Variants in POTEG observed in about 807,000 individuals in gnomAD.
POTEG encodes ANKRD26-like family C member 2.
In POTEG, 2 loss-of-function variants were observed where a neutral mutation model predicts 49.6. That is an observed-to-expected ratio of 0.04 (90% CI 0.02 to 0.13). The LOEUF is 0.13. Ranked by LOEUF, POTEG falls within the 10% of genes least tolerant of loss-of-function variation. The probability of loss-of-function intolerance (pLI) is 1.00; values close to 1 mark genes in which losing one functional copy is unlikely to be tolerated. For synonymous variants in POTEG, 7 were observed against 186.6 expected (o/e 0.04, Z 7.84); for missense variants, 26 against 545.2 (o/e 0.05, Z 9.48).
chr14:19,415,175 T>A (rs1433841457), intron 7 of POTEG, among the ~76,000 whole-genome samples: 1 of 144,018 alleles, frequency 6.9e-6, no homozygotes, highest in Non-Finnish European at 1.6e-5. Context: ...AATATGATAG[T>A]GTTATGTATC....
At chr14:19,415,829 A>ATTTTTTTTTTTTTTTTTTTTTTTTTTTT (rs58833974) in intron 7 of POTEG, among the ~76,000 whole-genome samples, 1 of 96,698 alleles carries the variant, frequency 1.0e-5, no homozygotes. Context: ...ATCTATTAAA[A>ATTTTTTTTTTTTTTTTTTTTTTTTTTTT]TTTTTTTTTT....
intron 9 of POTEG, among the ~76,000 whole-genome samples, chr14:19,408,904 CATTTTACCATA>C (rs1225042822): frequency 2.0e-5 from 3 of 150,250 alleles, no homozygotes; most frequent in African/African-American, 7.3e-5. Flanking sequence ...TCCTCTGACT[CATTTTACCATA>C]ATTGCAATTA....
intron 7 of POTEG, among the ~76,000 whole-genome samples, chr14:19,415,828 AATTTTTTTTTTTTTT>A (rs1175649695): frequency 3.0e-5 from 4 of 132,990 alleles, no homozygotes; most frequent in East Asian, 2.2e-4. Flanking sequence ...AATCTATTAA[AATTTTTTTTTTTTTT>A]TTTTTTTTTT....
intron 1 of POTEG, among the ~76,000 whole-genome samples, chr14:19,432,372 A>T (rs1255320715): frequency 2.4e-4 from 17 of 70,918 alleles, no homozygotes; most frequent in African/African-American, 9.2e-4. Context: ...TTTTGTATAT[A>T]TATATATATA....
chr14:19,432,447 C>CAT (rs1419909055), intron 1 of POTEG, among the ~76,000 whole-genome samples: 10 of 68,280 alleles, frequency 1.5e-4, no homozygotes, highest in African/African-American at 4.9e-4. Flanking sequence ...TATATATATA[C>CAT]ATATATATAT....
intron 6 of POTEG, among the ~76,000 whole-genome samples, chr14:19,418,916 C>A (rs1238742101): frequency 4.2e-5 from 2 of 47,794 alleles, no homozygotes; most frequent in African/African-American, 1.2e-4. Context: ...TACAAAATGG[C>A]TTTTATTAAA....
chr14:19,432,364 T>G (rs866914454), intron 1 of POTEG, among the ~76,000 whole-genome samples: 16 of 42,924 alleles, frequency 3.7e-4, no homozygotes, highest in African/African-American at 1.4e-3. Flanking sequence ...AAAAGAAATT[T>G]TGTATATATA....
In POTEG at chr14:19,402,805, ACGATG is replaced by A; in HGVS notation, c.*301_*305del. On this transcript the variant is annotated 3_prime_UTR_variant, in exon 11 of 11. Coordinates refer to ENST00000547848, the MANE Select transcript of POTEG (RefSeq NM_001005356.3). The stretch of plus-strand genomic sequence containing the variant: ...CATGTTCTGGTGCCTGGGGCACCCC[ACGATG>A]GAAGGGAAGACAGCCCGGGGGGCAT... 2.3e-6 allele frequency: 1 copy of A among 428,760 alleles called. No homozygotes were observed. 26.6% of individuals were successfully genotyped at this position (428,760 alleles called of 1,614,324 possible). A position where few individuals can be genotyped will look rare whatever the true frequency, so the allele number is the denominator to read the frequency against.
At chr14:19,420,039 G>T (rs1883693927) in intron 6 of POTEG, among the ~76,000 whole-genome samples, 1 of 133,728 alleles carries the variant, frequency 7.5e-6, no homozygotes, top group South Asian at 2.6e-4. Context: ...GAATTGCTCA[G>T]AATCCCTGCA....
rs1448367900 is a variant in POTEG, at chr14:19,425,535, C to G, written c.917+71G>C. 3 of 613,988 alleles carry G rather than the reference C, an allele frequency of 4.9e-6. 1 individual carries two copies. The highest frequency in any genetic ancestry group is 7.1e-6 in the Non-Finnish European group (3 of 421,312). The allele number at this position is 613,988 out of a possible 1,614,324, so 38.0% of individuals were successfully genotyped here. A position where few individuals can be genotyped will look rare whatever the true frequency, so the allele number is the denominator to read the frequency against. On this transcript the variant is annotated intron_variant, in intron 4 of 10. Transcript: ENST00000547848. Reference sequence around the variant, plus strand: ...TATATCCCAATAAGTATACATTAATCTTATTTAATATTTATGACTTGAGTG... The same window carrying G: ...TATATCCCAATAAGTATACATTAATGTTATTTAATATTTATGACTTGAGTG...
intron 9 of POTEG, among the ~76,000 whole-genome samples, chr14:19,409,984 TTTTAG>T (rs1265327667): frequency 2.1e-4 from 29 of 137,838 alleles, no homozygotes; most frequent in Non-Finnish European, 1.2e-4. Flanking sequence ...GTTGACTGCC[TTTTAG>T]TTATTAGGAG....
At chr14:19,431,485 A>G (rs1198864730) in intron 1 of POTEG, among the ~76,000 whole-genome samples, 1 of 150,432 alleles carries the variant, frequency 6.6e-6, no homozygotes, top group African/African-American at 2.5e-5. Flanking sequence ...TGTGGTTCTT[A>G]CCACTAAAGT....
intron 7 of POTEG, among the ~76,000 whole-genome samples, chr14:19,415,447 T>C (rs1201530843): frequency 6.8e-6 from 1 of 146,188 alleles, no homozygotes; most frequent in African/African-American, 2.5e-5. Flanking sequence ...TGACTGACAA[T>C]ATAAAACTGC....
intron 7 of POTEG, 102 bp from the exon 8 acceptor site, chr14:19,414,708 A>C (rs1396757734): frequency 1.6e-6 from 2 of 1,221,460 alleles, no homozygotes; most frequent in African/African-American, 3.2e-5. Context: ...TTAAGTAATC[A>C]AGTATGGACA....
intron 1 of POTEG, among the ~76,000 whole-genome samples, chr14:19,433,040 T>A (rs2139184996): frequency 9.0e-6 from 1 of 110,600 alleles, no homozygotes; most frequent in East Asian, 2.7e-4. Context: ...TTCTCCTGCC[T>A]CAGCCTCCTG....
chr14:19,415,222 AAT>A (rs1883506156), intron 7 of POTEG, among the ~76,000 whole-genome samples: 1 of 142,790 alleles, frequency 7.0e-6, no homozygotes, highest in African/African-American at 2.5e-5. Context: ...AATATATTCT[AAT>A]ATGTACTAAT....
At chr14:19,430,964 GTAGA>G (rs1332699943) in intron 1 of POTEG, among the ~76,000 whole-genome samples, 1 of 150,768 alleles carries the variant, frequency 6.6e-6, no homozygotes, top group African/African-American at 2.4e-5. Flanking sequence ...AAAGTTCACA[GTAGA>G]TAGCCAACCA....
chr14:19,414,259 T>C (rs1326730147), intron 8 of POTEG, among the ~76,000 whole-genome samples: 1 of 142,496 alleles, frequency 7.0e-6, no homozygotes, highest in Admixed American at 7.0e-5. Context: ...TAGCCACATT[T>C]TCTATTGATA....
chr14:19,432,460 A>G (rs58903265), intron 1 of POTEG, among the ~76,000 whole-genome samples: 71,162 of 86,706 alleles, frequency 0.82, 27,942 homozygotes, highest in East Asian at 0.87. Flanking sequence ...ATATATATAC[A>G]TATATACATA....
Sources: gnomAD v4.1 joint callset for allele counts (sites outside exome capture counted in the v4.1 genomes callset) on GRCh38, gnomAD v4.1.1 for gene constraint, MANE v1.5 for transcripts, NCBI Gene and HGNC (gene_info 2026-07-23, HGNC 2026-07-21) for gene names.